The following ANKS1B variants were observed in gnomAD, a reference collection of about 807,000 sequenced individuals.
ANKS1B encodes the protein ankyrin repeat and sterile alpha motif domain containing 1B, also known as ankyrin repeat and sterile alpha motif domain-containing protein 1B.
ANKS1B carries 36 observed loss-of-function variants against 148.3 expected under a neutral mutation model. The ratio of observed to expected loss-of-function variants is 0.24; its 90% CI spans 0.19 to 0.32. ANKS1B has a LOEUF of 0.32. ANKS1B is among the 10% of genes least tolerant of loss of function. ANKS1B has a pLI of 1.00. For synonymous variants in ANKS1B, 542 were observed against 560.8 expected (o/e 0.97, Z 0.47); for missense variants, 1,157 against 1,542.6 (o/e 0.75, Z 4.19).
intron 8 of ANKS1B, among the ~76,000 whole-genome samples, chr12:99,694,598 T>C (rs2053619668): frequency 6.6e-6 from 1 of 152,110 alleles, no homozygotes; most frequent in South Asian, 2.1e-4. Context: ...ATCATAAATG[T>C]AATATCTTAA....
chr12:99,829,083 G>A (rs2373117), intron 1 of ANKS1B, among the ~76,000 whole-genome samples: 17,171 of 152,000 alleles, frequency 0.11, 1,419 homozygotes, highest in African/African-American at 0.23. Flanking sequence ...AAGAAAAGTA[G>A]GACACCGATT....
intron 17 of ANKS1B, among the ~76,000 whole-genome samples, chr12:98,962,639 G>T (rs945466105): frequency 1.8e-4 from 28 of 152,178 alleles, no homozygotes; most frequent in African/African-American, 6.7e-4. Flanking sequence ...CAGCCTCAGA[G>T]TACGCATTCT....
At chr12:98,855,108 G>A (rs1227194956) in intron 17 of ANKS1B, among the ~76,000 whole-genome samples, 1 of 150,006 alleles carries the variant, frequency 6.7e-6, no homozygotes, top group Non-Finnish European at 1.5e-5. Flanking sequence ...GCAGTGAGCT[G>A]AGATTGCGCC....
At chr12:99,910,748 AAC>A (rs1394427853) in intron 1 of ANKS1B, among the ~76,000 whole-genome samples, 5 of 152,158 alleles carry the variant, frequency 3.3e-5, no homozygotes, top group Non-Finnish European at 5.9e-5. Context: ...TATCTAACGC[AAC>A]AGTCTATGTG....
chr12:99,682,514 C>G (rs1599593436), intron 8 of ANKS1B, among the ~76,000 whole-genome samples: 2 of 152,078 alleles, frequency 1.3e-5, no homozygotes, highest in Non-Finnish European at 2.9e-5. Flanking sequence ...ATCATTGGGT[C>G]AACAATGAAA....
At chr12:99,125,635 T>A (rs2064110078) in intron 15 of ANKS1B, among the ~76,000 whole-genome samples, 1 of 152,150 alleles carries the variant, frequency 6.6e-6, no homozygotes, top group South Asian at 2.1e-4. Context: ...ATTTGAGAAC[T>A]GTGTGCTAGG....
chr12:99,666,672 A>C (rs966610749), intron 8 of ANKS1B, among the ~76,000 whole-genome samples: 2 of 152,114 alleles, frequency 1.3e-5, no homozygotes, highest in Admixed American at 6.5e-5. Context: ...GTTTCTGGAA[A>C]ATCTTTCAAA....
chr12:99,854,709 C>T (rs1230016807), intron 1 of ANKS1B, among the ~76,000 whole-genome samples: 1 of 152,092 alleles, frequency 6.6e-6, no homozygotes, highest in African/African-American at 2.4e-5. Flanking sequence ...TCAGCAGAAA[C>T]CCTATAAGCT....
At chr12:98,915,271 T>A (rs1343188913) in intron 17 of ANKS1B, among the ~76,000 whole-genome samples, 1 of 152,176 alleles carries the variant, frequency 6.6e-6, no homozygotes, top group African/African-American at 2.4e-5. Context: ...AAGATGGCCA[T>A]CTACAAGCCA....
At chr12:98,898,270 G>C (rs1353784916) in intron 17 of ANKS1B, among the ~76,000 whole-genome samples, 1 of 152,080 alleles carries the variant, frequency 6.6e-6, no homozygotes. Context: ...CTTCATCATG[G>C]CACTAATGAA....
chr12:99,773,263 T>C (rs1464671141), intron 7 of ANKS1B, among the ~76,000 whole-genome samples, 175 bp from the exon 8 acceptor site: 2 of 152,200 alleles, frequency 1.3e-5, no homozygotes, highest in East Asian at 1.9e-4. Flanking sequence ...ACAATATTAA[T>C]GGGCAAAAGA....
intron 17 of ANKS1B, among the ~76,000 whole-genome samples, chr12:98,842,277 A>G (rs188351285): frequency 6.6e-6 from 1 of 152,212 alleles, no homozygotes; most frequent in African/African-American, 2.4e-5. Context: ...AGGCTATAGC[A>G]TCAACAGACC....
chr12:99,573,009 G>T (rs1258128000), intron 9 of ANKS1B, among the ~76,000 whole-genome samples: 1 of 151,980 alleles, frequency 6.6e-6, no homozygotes, highest in African/African-American at 2.4e-5. Context: ...TATGGAAATT[G>T]ATCAAATAAA....
intron 14 of ANKS1B, among the ~76,000 whole-genome samples, chr12:99,207,344 A>G (rs1422037026): frequency 2.7e-5 from 4 of 149,852 alleles, no homozygotes; most frequent in African/African-American, 9.8e-5. Flanking sequence ...CTTTTTCAGT[A>G]ACTTTAACTC....
At chr12:98,774,542 A>T (rs928696331) in intron 24 of ANKS1B, among the ~76,000 whole-genome samples, 2 of 152,152 alleles carry the variant, frequency 1.3e-5, no homozygotes, top group South Asian at 4.1e-4. Context: ...TCTTGCAATC[A>T]TTTTCTTATC....
At chr12:99,113,032 A>G (rs923270943) in intron 15 of ANKS1B, among the ~76,000 whole-genome samples, 7 of 152,236 alleles carry the variant, frequency 4.6e-5, no homozygotes, top group African/African-American at 1.7e-4. Context: ...AACTTCGAGT[A>G]TGCATTATAT....
At chr12:99,611,757 C>A (rs1458584418) in intron 9 of ANKS1B, among the ~76,000 whole-genome samples, 1 of 152,014 alleles carries the variant, frequency 6.6e-6, no homozygotes, top group Non-Finnish European at 1.5e-5. Flanking sequence ...TGAGGTAAGG[C>A]ATGAGGAATG....
At chr12:99,699,298 T>C (rs2054433992) in intron 8 of ANKS1B, among the ~76,000 whole-genome samples, 1 of 152,208 alleles carries the variant, frequency 6.6e-6, no homozygotes, top group African/African-American at 2.4e-5. Flanking sequence ...CTTTCTAAAA[T>C]TGTGCCATCC....
intron 17 of ANKS1B, among the ~76,000 whole-genome samples, chr12:99,038,905 C>A (rs939860464): frequency 6.6e-6 from 1 of 152,216 alleles, no homozygotes; most frequent in Non-Finnish European, 1.5e-5. Context: ...TCTTACCCTG[C>A]TCTATGTTTC....
Sources: gnomAD v4.1 joint callset for allele counts (sites outside exome capture counted in the v4.1 genomes callset) on GRCh38, gnomAD v4.1.1 for gene constraint, MANE v1.5 for transcripts, NCBI Gene and HGNC (gene_info 2026-07-23, HGNC 2026-07-21) for gene names.